The following ACP3 variants were observed in gnomAD, a reference collection of about 807,000 sequenced individuals.
ACP3 encodes prostatic acid phosphatase.
ACP3 carries 38 observed loss-of-function variants against 45.6 expected under a neutral mutation model. That is an observed-to-expected ratio of 0.83 (90% CI 0.64 to 1.09). ACP3 has a LOEUF of 1.09. Ranked by LOEUF, ACP3 falls within the 50% of genes least tolerant of loss-of-function variation. The pLI is 0.00. For missense variants in ACP3, 466 were observed against 463.2 expected, an observed-to-expected ratio of 1.01 and a Z score of -0.05; for synonymous variants, 162 against 164.7, an observed-to-expected ratio of 0.98 and a Z score of 0.13.
At chr3:132,363,138 G>A (rs1406493938), downstream of ACP3, among the ~76,000 whole-genome samples, 6 of 151,946 alleles carry the variant, frequency 3.9e-5, no homozygotes, top group East Asian at 7.7e-4. Flanking sequence ...AAGCATACGC[G>A]CTCACCTGAG....
In ACP3 at chr3:132,355,586, C is replaced by T. The variant is rs565539364; in HGVS notation, c.969-1100C>T. On this transcript the variant is annotated intron_variant, in intron 9 of 9. Coordinates refer to ENST00000336375, the MANE Select transcript of ACP3 (RefSeq NM_001099.5). ...AGGCTAGAGTGTAGTGGCGTGATCT[C>T]GGCTAACTGCAACCTCCACCTCCCA... 1.3e-4 allele frequency among the ~76,000 whole-genome samples: 20 copies of T among 151,358 alleles called. No homozygotes were observed. In the South Asian group the frequency reaches 3.1e-3, roughly 24 times the overall value.
intron 9 of ACP3, among the ~76,000 whole-genome samples, chr3:132,353,123 G>A (rs1404520459): frequency 6.6e-6 from 1 of 152,070 alleles, no homozygotes; most frequent in Non-Finnish European, 1.5e-5. Context: ...TATATACTTG[G>A]CAAGAGAAAA....
rs200147377 is a variant in ACP3 at position 132,330,266 on chromosome 3, T to TA, written c.217-1380dup. Among the ~76,000 whole-genome samples the TA allele has an allele frequency of 6.2e-4, 95 of 152,236 alleles. No homozygotes were observed. The East Asian group carries it at 0.017, about 27-fold the overall frequency. ...ACATAATCATAAGATGATGGCTGTC[T>TA]AGATCAGTGTCTAGGTACTTTTAAT... On this transcript the variant is annotated intron_variant, in intron 2 of 9. Transcript: ENST00000336375.
chr3:132,325,423 C>T (rs1428678653), intron 1 of ACP3, among the ~76,000 whole-genome samples: 1 of 152,186 alleles, frequency 6.6e-6, no homozygotes, highest in Non-Finnish European at 1.5e-5. Context: ...GATTATGTTC[C>T]AGTTCTCTGC....
At chr3:132,351,698 A>G (rs1006445067) in intron 8 of ACP3, among the ~76,000 whole-genome samples, 3 of 151,030 alleles carry the variant, frequency 2.0e-5, no homozygotes, top group African/African-American at 7.3e-5. Context: ...TGTGACTTCC[A>G]GCATGTCATA....
exon 11 of ACP3, chr3:132,367,853 C>A: frequency 6.8e-7 from 1 of 1,465,872 alleles, no homozygotes; most frequent in Non-Finnish European, 9.6e-7. Context: ...GGCCAACCTC[C>A]TGTGACACAG....
At chr3:132,331,546 A>C (rs1937398080) in intron 2 of ACP3, 101 bp from the exon 3 acceptor site, 1 of 838,910 alleles carries the variant, frequency 1.2e-6, no homozygotes, top group Non-Finnish European at 1.8e-6. Flanking sequence ...ACCATTGTTC[A>C]TTCTACACAC....
intron 7 of ACP3, among the ~76,000 whole-genome samples, chr3:132,349,034 C>T (rs919525591): frequency 5.3e-5 from 8 of 152,122 alleles, no homozygotes; most frequent in African/African-American, 1.7e-4. Context: ...CCCTACTGGT[C>T]ATTCTCAGCC....
chr3:132,359,316 T>G (rs577009660), downstream of ACP3, among the ~76,000 whole-genome samples: 1 of 152,016 alleles, frequency 6.6e-6, no homozygotes, highest in Admixed American at 6.6e-5. Context: ...ATTGAGACCA[T>G]CCTGGCTAAC....
At chr3:132,324,922 T>A (rs1350856551) in intron 1 of ACP3, among the ~76,000 whole-genome samples, 3 of 152,226 alleles carry the variant, frequency 2.0e-5, no homozygotes, top group African/African-American at 7.2e-5. Context: ...ATTATAGGCA[T>A]GAGCCACTGT....
At chr3:132,322,371 C>T (rs1937222696) in intron 1 of ACP3, among the ~76,000 whole-genome samples, 1 of 152,142 alleles carries the variant, frequency 6.6e-6, no homozygotes, top group South Asian at 2.1e-4. Context: ...AAATGACACT[C>T]ATTTACATTA....
intron 1 of ACP3, among the ~76,000 whole-genome samples, chr3:132,320,332 C>T (rs1338077342): frequency 6.6e-6 from 1 of 152,182 alleles, no homozygotes; most frequent in Non-Finnish European, 1.5e-5. Flanking sequence ...ATGTCCTCAT[C>T]AACCAGCTTC....
At chr3:132,359,463 G>C (rs1023850013), downstream of ACP3, among the ~76,000 whole-genome samples, 1 of 152,122 alleles carries the variant, frequency 6.6e-6, no homozygotes, top group African/African-American at 2.4e-5. Context: ...AGCCGAGATC[G>C]CGCCACTGCA....
chr3:132,358,795 G>A lies in ACP3; in HGVS notation c.*1917G>A. ...TTATAATGAACTTAGAAAAACGTAT[G>A]TGTGTGTGTTTAATTAGAATAAAAT... On this transcript the variant is annotated 3_prime_UTR_variant, in exon 10 of 10. Transcript: ENST00000336375. The A allele has an allele frequency of 1.0e-6, 1 of 985,218 alleles. No homozygotes were observed. Among genetic ancestry groups the A allele is most frequent in the Non-Finnish European group, 1.2e-6 (1 of 829,452 alleles). 61.0% of individuals were successfully genotyped at this position (985,218 alleles called of 1,614,324 possible).
intron 1 of ACP3, among the ~76,000 whole-genome samples, chr3:132,318,700 GA>G (rs3840203): frequency 0.21 from 31,595 of 151,822 alleles, 3,489 homozygotes; most frequent in African/African-American, 0.25. Flanking sequence ...CTTCTGTGCA[GA>G]AAAAAAATAT....
chr3:132,365,413 G>A (rs1938114362), intron 10 of ACP3, among the ~76,000 whole-genome samples: 1 of 152,182 alleles, frequency 6.6e-6, no homozygotes, highest in African/African-American at 2.4e-5. Flanking sequence ...TTCAGGCCAT[G>A]ATAACAGGTA....
chr3:132,358,162 G>A lies in ACP3; in HGVS notation c.*1284G>A, dbSNP rs1937958166. The A allele has an allele frequency of 3.2e-5, 23 of 729,342 alleles. No individual in the cohort carries two copies. Among genetic ancestry groups the A allele is most frequent in the South Asian group, 2.4e-4 (4 of 16,756 alleles). The allele number at this position is 729,342 out of a possible 1,614,324, so 45.2% of individuals were successfully genotyped here. A position where few individuals can be genotyped will look rare whatever the true frequency, so the allele number is the denominator to read the frequency against. On this transcript the variant is annotated 3_prime_UTR_variant, in exon 10 of 10. Transcript: ENST00000336375. ...CCTTGCATTTTGGAAGGCTGAGGCA[G>A]GAGGATCACTTTAGGCCTGGTGTGT...
chr3:132,349,024 C>CACACACACACACACA (rs1553733349), intron 7 of ACP3, among the ~76,000 whole-genome samples: 1 of 152,056 alleles, frequency 6.6e-6, no homozygotes, highest in Non-Finnish European at 1.5e-5. Flanking sequence ...CCCTAACACA[C>CACACACACACACACA]CCTACTGGTC....
chr3:132,339,785 T>C (rs901110467), intron 5 of ACP3, among the ~76,000 whole-genome samples: 3 of 152,168 alleles, frequency 2.0e-5, no homozygotes, highest in African/African-American at 7.2e-5. Context: ...CATGATTGAT[T>C]AAGCCACAGG....
Sources: gnomAD v4.1 joint callset for allele counts (sites outside exome capture counted in the v4.1 genomes callset) on GRCh38, gnomAD v4.1.1 for gene constraint, MANE v1.5 for transcripts, NCBI Gene and HGNC (gene_info 2026-07-23, HGNC 2026-07-21) for gene names.